RND3: variants seen among roughly 807,000 people sequenced by gnomAD.
The protein encoded by RND3 is rho-related GTP-binding protein RhoE.
RND3 carries 8 observed loss-of-function variants against 26.5 expected under a neutral mutation model. The observed-to-expected ratio is 0.30, with a 90% CI of 0.18 to 0.54. The LOEUF (loss-of-function observed/expected upper bound fraction) is 0.54. Ranked by LOEUF, RND3 falls within the 20% of genes least tolerant of loss-of-function variation. RND3 has a pLI of 0.94. For missense variants in RND3, 207 were observed against 302.8 expected (o/e 0.68, Z 2.35); for synonymous variants, 113 against 113.0 (o/e 1.00, Z 0.00).
Position 150,468,359 on chromosome 2 carries a change from A to G in RND3, c.*1628T>C, listed in dbSNP as rs956168768. On this transcript the variant is annotated 3_prime_UTR_variant, in exon 6 of 6. Transcript: ENST00000263895. ...CAGTTATAACTTATTTTCTTTTTAC[A>G]ATATTTAAATACAGAAAGCACTCGC... 15 of 152,668 alleles carry G rather than the reference A, an allele frequency of 9.8e-5. No homozygotes were observed. Among genetic ancestry groups the G allele is most frequent in the Admixed American group, 3.9e-4 (6 of 15,284 alleles). 9.5% of individuals were successfully genotyped at this position (152,668 alleles called of 1,614,324 possible). A position where few individuals can be genotyped will look rare whatever the true frequency, so the allele number is the denominator to read the frequency against.
intron 3 of RND3, among the ~76,000 whole-genome samples, chr2:150,482,735 G>GGGGGGGGGGGGGGGGGGC (rs1686296666): frequency 7.5e-6 from 1 of 133,646 alleles, no homozygotes. Flanking sequence ...GGGTGGGGGG[G>GGGGGGGGGGGGGGGGGGC]GCGGTGCGGG....
At position 150,487,389 on chromosome 2, in the gene RND3, A is replaced by G. The variant is rs1686397682; in HGVS notation, c.29T>C (p.Leu10Ser). Residue 10 changes from leucine to serine, a missense_variant, in exon 2 of 6, where the codon TTA becomes TCA. By Grantham distance (145) the Leu-to-Ser change is moderately radical (BLOSUM62 -2). Coordinates refer to ENST00000263895, the MANE Select transcript of RND3 (RefSeq NM_005168.5). ...AGGATCCATGATAGATTTGCTGGATAATTTCTGGCTGGCTCTTCTCTCCTT... is the reference window on the plus strand; with the variant it reads ...AGGATCCATGATAGATTTGCTGGATGATTTCTGGCTGGCTCTTCTCTCCTT... MKERRASQK[L>S]SSKSIMDPNQ... 6.5e-7 allele frequency: 1 copy of G among 1,541,724 alleles called. No individual in the cohort carries two copies. Among genetic ancestry groups the G allele is most frequent in the South Asian group, 1.3e-5 (1 of 79,750 alleles).
At chr2:150,474,700 A>C (rs1267851056) in intron 4 of RND3, among the ~76,000 whole-genome samples, 175 bp downstream of exon 4, 1 of 152,226 alleles carries the variant, frequency 6.6e-6, no homozygotes, top group Admixed American at 6.5e-5. Context: ...ATTTCAAGCA[A>C]GTTCATCATC....
intron 3 of RND3, chr2:150,485,194 G>A (rs1195176732): frequency 1.3e-5 from 2 of 152,404 alleles, no homozygotes; most frequent in Non-Finnish European, 2.9e-5. Flanking sequence ...CTGACTCCAG[G>A]GGGAAACAAA....
At position 150,487,470 on chromosome 2, in the gene RND3, A is replaced by ATATATATATATATATATATATATATAT. The variant is rs1236158055; in HGVS notation, c.-38-16_-38-15insATATATATATATATATATATATATATA. The ATATATATATATATATATATATATATAT allele has an allele frequency of 5.0e-6, 2 of 402,210 alleles. No homozygotes were observed. The highest frequency in any genetic ancestry group is 6.8e-6 in the Non-Finnish European group (2 of 292,004). The allele number at this position is 402,210 out of a possible 1,614,324, so 24.9% of individuals were successfully genotyped here. ...AGGAATTTTCTCTTAAGAAGAAAAA[A>ATATATATATATATATATATATATATAT]AAAAATATATATATATATATATATT... On this transcript the variant is annotated splice_polypyrimidine_tract_variant and intron_variant, in intron 1 of 5. Transcript: ENST00000263895.
intron 3 of RND3, among the ~76,000 whole-genome samples, chr2:150,484,201 G>C (rs1303416398): frequency 6.6e-6 from 1 of 152,318 alleles, no homozygotes; most frequent in Non-Finnish European, 1.5e-5. Flanking sequence ...GATAACTGCT[G>C]TATGCAAGGC....
In RND3 at chr2:150,486,805, G is replaced by C. The variant is rs568676537; in HGVS notation, c.151-24C>G. ...TTCTGGATAGACAAAATGGGCAAAA[G>C]AGGAAGGAAAGAGGGCAAAGAGGTT... On this transcript the variant is annotated intron_variant, in intron 2 of 5. Coordinates refer to ENST00000263895, the MANE Select transcript of RND3 (RefSeq NM_005168.5). This position sits in a 1 kb window ranked among gnomAD's most constrained non-coding sequence, Gnocchi z 4.5. 1.9e-5 allele frequency: 29 copies of C among 1,553,558 alleles called. No individual in the cohort carries two copies. In the South Asian group the frequency reaches 2.4e-4, roughly 13 times the overall value.
chr2:150,481,004 T>C (rs1686260227), intron 3 of RND3, among the ~76,000 whole-genome samples: 1 of 152,236 alleles, frequency 6.6e-6, no homozygotes, highest in South Asian at 2.1e-4. Context: ...GGCTCCTTCA[T>C]AAATTCTTAA....
rs1395547619 is a variant in RND3 at position 150,487,472 on chromosome 2, A to ATATATATAT, written c.-38-18_-38-17insATATATATA. Reference sequence around the variant, plus strand: ...GAATTTTCTCTTAAGAAGAAAAAAAAAAATATATATATATATATATATTTC... The same window carrying ATATATATAT: ...GAATTTTCTCTTAAGAAGAAAAAAAATATATATATAAATATATATATATATATATATTTC... On this transcript the variant is annotated splice_polypyrimidine_tract_variant and intron_variant, in intron 1 of 5. Coordinates refer to ENST00000263895, the MANE Select transcript of RND3 (RefSeq NM_005168.5). 1.7e-4 allele frequency: 57 copies of ATATATATAT among 344,914 alleles called. 1 individual carries two copies. Among genetic ancestry groups the ATATATATAT allele is most frequent in the African/African-American group, 7.6e-4 (21 of 27,788 alleles). 21.4% of individuals were successfully genotyped at this position (344,914 alleles called of 1,614,324 possible).
At chr2:150,471,585 C>A in intron 5 of RND3, 42 bp downstream of exon 5, 2 of 1,522,680 alleles carry the variant, frequency 1.3e-6, no homozygotes, top group South Asian at 1.3e-5. Flanking sequence ...ATTTCTTTCA[C>A]TCTTTCTAAA....
Position 150,473,436 on chromosome 2 carries a change from C to A in RND3, c.348+1439G>T, listed in dbSNP as rs139779642. ...CTAGTAAATAAGCAACCCCTTTTAT[C>A]TCCAGACAGAACTAGACATGTTGTT... On this transcript the variant is annotated intron_variant, in intron 4 of 5. Transcript: ENST00000263895. Among the ~76,000 whole-genome samples the A allele has an allele frequency of 1.7e-4, 26 of 152,298 alleles. 2 individuals are homozygous for A. In the East Asian group the frequency reaches 2.9e-3, roughly 17 times the overall value.
In RND3 at chr2:150,468,333, A is replaced by G. The variant is rs1226915939; in HGVS notation, c.*1654T>C. On this transcript the variant is annotated 3_prime_UTR_variant, in exon 6 of 6. Coordinates refer to ENST00000263895, the MANE Select transcript of RND3 (RefSeq NM_005168.5). ...AATGCAACAAAAGTTCTGCTTTATA[A>G]CAGTTATAACTTATTTTCTTTTTAC... is the stretch of plus-strand genomic sequence containing the variant. 6.6e-6 allele frequency: 1 copy of G among 152,658 alleles called. No individual in the cohort carries two copies. Among genetic ancestry groups the G allele is most frequent in the African/African-American group, 2.4e-5 (1 of 41,462 alleles). 9.5% of individuals were successfully genotyped at this position (152,658 alleles called of 1,614,324 possible). A position where few individuals can be genotyped will look rare whatever the true frequency, so the allele number is the denominator to read the frequency against.
At chr2:150,487,116 T>C in intron 2 of RND3, 152 bp downstream of exon 2, 2 of 676,810 alleles carry the variant, frequency 3.0e-6, no homozygotes, top group East Asian at 5.6e-5. Context: ...CCCCGCAGTC[T>C]AATCAGGGGA....
At chr2:150,487,221 T>C in intron 2 of RND3, 47 bp downstream of exon 2, 5 of 1,451,430 alleles carry the variant, frequency 3.4e-6, no homozygotes, top group Non-Finnish European at 4.6e-6. Context: ...GGGACTGGGA[T>C]CCCACTGGCC....
intron 3 of RND3, among the ~76,000 whole-genome samples, chr2:150,481,532 T>A (rs1686269667): frequency 6.6e-6 from 1 of 152,180 alleles, no homozygotes; most frequent in Admixed American, 6.5e-5. Flanking sequence ...GTCACTCATG[T>A]TTTCACCATG....
chr2:150,482,184 C>G (rs1040869420), intron 3 of RND3, among the ~76,000 whole-genome samples: 2 of 152,062 alleles, frequency 1.3e-5, no homozygotes, highest in South Asian at 2.1e-4. Flanking sequence ...TAATAATAAG[C>G]CTTAAATAAA....
Position 150,487,607 on chromosome 2 carries a change from CCAA to C in RND3, c.-100_-98del, listed in dbSNP as rs1686410342. 1 of 164,974 alleles carries C rather than the reference CCAA, an allele frequency of 6.1e-6. No homozygotes were observed. The highest frequency in any genetic ancestry group is 2.4e-5 in the African/African-American group (1 of 41,684). 10.2% of individuals were successfully genotyped at this position (164,974 alleles called of 1,614,324 possible). A position where few individuals can be genotyped will look rare whatever the true frequency, so the allele number is the denominator to read the frequency against. ...AGAGGAGCAGGCTGGTTACTCCCCTCCAACAAGTTTTAAGCCTGACTCCTCACC... is the reference window on the plus strand; with the variant it reads ...AGAGGAGCAGGCTGGTTACTCCCCTCCAAGTTTTAAGCCTGACTCCTCACC... On this transcript the variant is annotated 5_prime_UTR_variant, in exon 1 of 6. Coordinates refer to ENST00000263895, the MANE Select transcript of RND3 (RefSeq NM_005168.5).
At chr2:150,473,656 G>A (rs1686119998) in intron 4 of RND3, among the ~76,000 whole-genome samples, 1 of 152,182 alleles carries the variant, frequency 6.6e-6, no homozygotes, top group Non-Finnish European at 1.5e-5. Context: ...TTAAGAAAGA[G>A]ATCTACTAAG....
intron 3 of RND3, among the ~76,000 whole-genome samples, chr2:150,476,872 T>A (rs939166538): frequency 1.3e-5 from 2 of 152,204 alleles, no homozygotes; most frequent in African/African-American, 4.8e-5. Context: ...ATGGCTACAT[T>A]AGTATTTCCA....
Sources: gnomAD v4.1 joint callset for allele counts (sites outside exome capture counted in the v4.1 genomes callset) on GRCh38, gnomAD v4.1.1 for gene constraint, Gnocchi (gnomAD v3.1) non-coding constraint, MANE v1.5 for transcripts, NCBI Gene and HGNC (gene_info 2026-07-23, HGNC 2026-07-21) for gene names.